The following FHOD3 variants were observed in gnomAD, a reference collection of about 807,000 sequenced individuals.
The protein encoded by FHOD3 is FH1/FH2 domain-containing protein 3.
FHOD3 carries 90 observed loss-of-function variants against 173.0 expected under a neutral mutation model. The observed-to-expected ratio is 0.52, with a 90% confidence interval of 0.44 to 0.62. FHOD3 has a LOEUF of 0.62. FHOD3 is among the 20% of genes least tolerant of loss of function. The pLI, the probability that FHOD3 is intolerant of heterozygous loss-of-function variation, is 0.00. For missense variants in FHOD3, 1,945 were observed against 2,034.7 expected, an observed-to-expected ratio of 0.96 and a Z score of 0.85; for synonymous variants, 828 against 823.0, an observed-to-expected ratio of 1.01 and a Z score of -0.10.
At position 36,576,495 on chromosome 18, in the gene FHOD3, A is replaced by G. The variant is rs780677858; in HGVS notation, c.556A>G (p.Ile186Val). 5.0e-6 allele frequency: 8 copies of G among 1,613,966 alleles called. No homozygotes were observed. Among genetic ancestry groups the G allele is most frequent in the Non-Finnish European group, 5.9e-6 (7 of 1,179,938 alleles). The change falls in exon 6 of 29, where the codon ATA becomes GTA. Residue 186 changes from isoleucine (I) to valine (V), a missense_variant. Coordinates refer to ENST00000590592, the MANE Select transcript of FHOD3 (RefSeq NM_001281740.3). ...MLYVDGMNGV[I>V]NRNETIQWLY... ...GTATGTGGATGGAATGAATGGAGTA[A>G]TAAACCGCAATGAAACCATTCAGTG...
At chr18:36,746,266 A>G (rs961900757) in intron 23 of FHOD3, among the ~76,000 whole-genome samples, 2 of 152,150 alleles carry the variant, frequency 1.3e-5, no homozygotes, top group Non-Finnish European at 2.9e-5. Flanking sequence ...AGGCACACAC[A>G]CGAGCCTGGT....
intron 1 of FHOD3, among the ~76,000 whole-genome samples, chr18:36,327,400 G>A (rs551888410): frequency 3.8e-4 from 58 of 152,300 alleles, no homozygotes; most frequent in African/African-American, 1.3e-3. Context: ...GGCTTTTGCC[G>A]TTACTTTCAA....
At chr18:36,676,287 G>C (rs1201415037) in intron 14 of FHOD3, among the ~76,000 whole-genome samples, 3 of 152,138 alleles carry the variant, frequency 2.0e-5, no homozygotes, top group African/African-American at 7.2e-5. Context: ...ATAGAATATG[G>C]TTTCTTTTCT....
At chr18:36,430,370 C>A (rs906132907) in intron 3 of FHOD3, among the ~76,000 whole-genome samples, 6 of 152,156 alleles carry the variant, frequency 3.9e-5, no homozygotes, top group Non-Finnish European at 8.8e-5. Context: ...GTGCCCACCA[C>A]CACGCCCAGC....
At chr18:36,704,621 A>C (rs1450831199) in intron 17 of FHOD3, among the ~76,000 whole-genome samples, 1 of 152,164 alleles carries the variant, frequency 6.6e-6, no homozygotes, top group Non-Finnish European at 1.5e-5. Context: ...GAGGCATTAC[A>C]TGCTGGGGAA....
chr18:36,634,178 T>C (rs552940509), intron 10 of FHOD3, among the ~76,000 whole-genome samples: 70 of 152,262 alleles, frequency 4.6e-4, no homozygotes, highest in Middle Eastern at 3.4e-3. Flanking sequence ...TAGCCAAGCC[T>C]TGGGGCTGTG....
intron 5 of FHOD3, among the ~76,000 whole-genome samples, chr18:36,571,749 A>G (rs776593425): frequency 2.0e-5 from 3 of 152,380 alleles, no homozygotes; most frequent in Middle Eastern, 3.4e-3. Flanking sequence ...AATGAAATAG[A>G]AAAAGGACAG....
At chr18:36,581,044 T>A (rs2058832559) in intron 6 of FHOD3, among the ~76,000 whole-genome samples, 1 of 152,232 alleles carries the variant, frequency 6.6e-6, no homozygotes, top group Non-Finnish European at 1.5e-5. Context: ...TGCCAGAGGC[T>A]CATTATGCAA....
Position 36,768,740 on chromosome 18 carries a change from A to G in FHOD3, c.4625-525A>G, listed in dbSNP as rs549698512. On this transcript the variant is annotated intron_variant, in intron 27 of 28. Coordinates refer to ENST00000590592, the MANE Select transcript of FHOD3 (RefSeq NM_001281740.3). ...TAGATAATTCAAAGATAAACTGTGT[A>G]TTATAAAATCTATTTCTTTCTACTT... Among the ~76,000 whole-genome samples the G allele has an allele frequency of 5.3e-5, 8 of 152,240 alleles. No homozygotes were observed. In the South Asian group the frequency reaches 1.7e-3, roughly 32 times the overall value.
chr18:36,536,341 C>A (rs977555410), intron 5 of FHOD3, among the ~76,000 whole-genome samples: 33 of 152,212 alleles, frequency 2.2e-4, no homozygotes, highest in African/African-American at 7.5e-4. Context: ...AACTTTGCGA[C>A]ACTTTGATTT....
chr18:36,297,952 C>A lies in FHOD3; in HGVS notation c.117C>A (p.Leu39=). 6.4e-7 allele frequency: 1 copy of A among 1,565,900 alleles called. No homozygotes were observed. Among genetic ancestry groups the A allele is most frequent in the Non-Finnish European group, 8.6e-7 (1 of 1,157,190 alleles). The part of the protein sequence containing the change: ...PLFTFREDLA[L]GTQLAGVHRL... ...TCACGTTCCGCGAGGACCTCGCGCT[C>A]GGCACCCAGCTGGCGGGGGTCCATA... is the stretch of plus-strand genomic sequence containing the variant. The change falls in exon 1 of 29, where the codon CTC becomes CTA. Residue 39 remains leucine (L), a synonymous_variant. Transcript: ENST00000590592.
intron 5 of FHOD3, among the ~76,000 whole-genome samples, chr18:36,560,996 A>C (rs541246415): frequency 6.6e-6 from 1 of 152,160 alleles, no homozygotes; most frequent in Admixed American, 6.5e-5. Context: ...TGAAATTTAA[A>C]TTCCGCAGAC....
At chr18:36,386,918 C>G (rs1270739672) in intron 3 of FHOD3, among the ~76,000 whole-genome samples, 1 of 152,138 alleles carries the variant, frequency 6.6e-6, no homozygotes, top group African/African-American at 2.4e-5. Context: ...TGACCTGGGC[C>G]TTGTGGGTAG....
At chr18:36,430,872 A>G (rs991218961) in intron 3 of FHOD3, among the ~76,000 whole-genome samples, 13 of 152,294 alleles carry the variant, frequency 8.5e-5, no homozygotes, top group South Asian at 6.2e-4. Context: ...GTTTTGAGTT[A>G]TCAAAATGGA....
intron 3 of FHOD3, among the ~76,000 whole-genome samples, chr18:36,389,743 G>A (rs1282427959): frequency 6.6e-6 from 1 of 152,110 alleles, no homozygotes; most frequent in African/African-American, 2.4e-5. Flanking sequence ...GAGAGAGCAG[G>A]GAATTCCCCT....
At chr18:36,587,149 G>A (rs1411264706) in intron 6 of FHOD3, among the ~76,000 whole-genome samples, 2 of 152,156 alleles carry the variant, frequency 1.3e-5, no homozygotes, top group African/African-American at 4.8e-5. Context: ...CTTTTCTGGA[G>A]ATGGTGGGGG....
rs1266008445 is a variant in FHOD3, at chr18:36,751,465, A to G, written c.4233-3654A>G. Among the ~76,000 whole-genome samples the G allele has an allele frequency of 2.0e-5, 3 of 152,190 alleles. No homozygotes were observed. The East Asian group carries it at 5.8e-4, about 29-fold the overall frequency. On this transcript the variant is annotated intron_variant, in intron 24 of 28. Coordinates refer to ENST00000590592, the MANE Select transcript of FHOD3 (RefSeq NM_001281740.3). ...CTCTCATCCTATTTGAATGCGCTTT[A>G]TTTCTCCTTCCTGATTGCCCTGACC...
rs77675010 is a variant in FHOD3, at chr18:36,663,424, C to T, written c.1835+5236C>T. Among the ~76,000 whole-genome samples the T allele has an allele frequency of 4.6e-3, 708 of 152,338 alleles. 8 individuals carry two copies. Among genetic ancestry groups the T allele is most frequent in the African/African-American group, 0.016 (665 of 41,570 alleles). ...GCTGACCTCTCAGGAGCTCTCCTTC[C>T]TCCCAGTTTTTGGCTTTACCACTTT... On this transcript the variant is annotated intron_variant, in intron 14 of 28. Coordinates refer to ENST00000590592, the MANE Select transcript of FHOD3 (RefSeq NM_001281740.3).
At chr18:36,463,554 A>G (rs1405914778) in intron 3 of FHOD3, among the ~76,000 whole-genome samples, 1 of 132,664 alleles carries the variant, frequency 7.5e-6, no homozygotes, top group Non-Finnish European at 1.6e-5. Context: ...GCTGGAGTGC[A>G]GTGGTGTTAT....
Sources: allele counts gnomAD v4.1 joint callset (sites outside exome capture counted in the v4.1 genomes callset), GRCh38; gene constraint gnomAD v4.1.1; transcripts MANE v1.5; gene names NCBI Gene and HGNC (gene_info 2026-07-23, HGNC 2026-07-21).